The following KANK1 variants were observed in gnomAD, a reference collection of about 807,000 sequenced individuals.
The protein encoded by KANK1 is KN motif and ankyrin repeat domains 1, also known as KN motif and ankyrin repeat domain-containing protein 1.
In KANK1, 109 loss-of-function variants were observed where a neutral mutation model predicts 106.2. The ratio of observed to expected loss-of-function variants is 1.03; its 90% CI spans 0.88 to 1.20. The LOEUF (loss-of-function observed/expected upper bound fraction) is 1.20. KANK1 is among the 50% of genes most tolerant of loss of function. KANK1 has a pLI of 0.00. For missense variants in KANK1, 2,399 were observed against 1,710.7 expected (o/e 1.40, Z -7.10); for synonymous variants, 873 against 652.2 (o/e 1.34, Z -5.16).
chr9:663,060 G>C (rs1413374543), intron 1 of KANK1, among the ~76,000 whole-genome samples: 1 of 152,152 alleles, frequency 6.6e-6, no homozygotes, highest in African/African-American at 2.4e-5. Flanking sequence ...AGGCACACAC[G>C]AGCTTGTCAT....
intron 1 of KANK1, among the ~76,000 whole-genome samples, chr9:564,218 C>G (rs1817243296): frequency 6.6e-6 from 1 of 152,018 alleles, no homozygotes; most frequent in South Asian, 2.1e-4. Flanking sequence ...CGCCACCACG[C>G]CCGGCTAATT....
chr9:603,793 CTA>C (rs1828376304), intron 1 of KANK1, among the ~76,000 whole-genome samples: 1 of 151,066 alleles, frequency 6.6e-6, no homozygotes, highest in Non-Finnish European at 1.5e-5. Flanking sequence ...CACCCCGTCT[CTA>C]CTAAAAATAC....
At chr9:614,386 C>T (rs1004516087) in intron 1 of KANK1, among the ~76,000 whole-genome samples, 1 of 152,100 alleles carries the variant, frequency 6.6e-6, no homozygotes, top group Non-Finnish European at 1.5e-5. Flanking sequence ...TTATATACTT[C>T]TGCAGTTTTT....
intron 2 of KANK1, chr9:693,814 A>G: frequency 1.0e-6 from 1 of 985,294 alleles, no homozygotes. Flanking sequence ...CAAAAGAAAG[A>G]GAGGAGGAGA....
At chr9:629,773 TAGAG>T (rs1299496095) in intron 1 of KANK1, among the ~76,000 whole-genome samples, 1 of 151,942 alleles carries the variant, frequency 6.6e-6, no homozygotes, top group Non-Finnish European at 1.5e-5. Context: ...CATAACAAAG[TAGAG>T]AGGAGAATTA....
At chr9:739,086 G>C (rs936124006) in intron 8 of KANK1, among the ~76,000 whole-genome samples, 10 of 152,140 alleles carry the variant, frequency 6.6e-5, no homozygotes, top group African/African-American at 2.2e-4. Context: ...AACCATAATA[G>C]AATAGTAGAA....
At chr9:641,941 CA>C (rs1262415577) in intron 1 of KANK1, among the ~76,000 whole-genome samples, 10 of 152,020 alleles carry the variant, frequency 6.6e-5, no homozygotes, top group Non-Finnish European at 1.5e-4. Context: ...TTCATCACCC[CA>C]AAAAAGAAAA....
chr9:619,019 A>T (rs1328653933), intron 1 of KANK1, among the ~76,000 whole-genome samples: 1 of 152,228 alleles, frequency 6.6e-6, no homozygotes, highest in Non-Finnish European at 1.5e-5. Context: ...ACATTTTATG[A>T]ACTTAAATTT....
chr9:648,720 C>T (rs1156497777), intron 1 of KANK1, among the ~76,000 whole-genome samples: 1 of 152,030 alleles, frequency 6.6e-6, no homozygotes, highest in East Asian at 1.9e-4. Flanking sequence ...TTATCTGTTG[C>T]GGGGGAGAGT....
chr9:528,157 T>C (rs901243965), intron 1 of KANK1, among the ~76,000 whole-genome samples: 2 of 150,758 alleles, frequency 1.3e-5, no homozygotes, highest in Admixed American at 6.6e-5. Flanking sequence ...AAAAAAAAAC[T>C]TTTTAGGATT....
chr9:654,147 A>G (rs6477084), intron 1 of KANK1, among the ~76,000 whole-genome samples: 59,140 of 151,766 alleles, frequency 0.39, 14,907 homozygotes, highest in African/African-American at 0.69. Flanking sequence ...CACATGCAGC[A>G]GTTAACACAC....
rs1410005840 is a variant in KANK1 at position 673,242 on chromosome 9, A to G, written c.-83-3648A>G. On this transcript the variant is annotated intron_variant, in intron 1 of 11. Transcript: ENST00000382297. ...TTTTTTTTTTGAGACAGGGTCTCTC[A>G]CTCTGCTGTGCAGGCTGGAATGCAG... Among the ~76,000 whole-genome samples the G allele has an allele frequency of 2.5e-5, 3 of 122,434 alleles. No homozygotes were observed. In the Admixed American group the frequency reaches 3.2e-4, roughly 13 times the overall value. 80.3% of individuals were successfully genotyped at this position (122,434 alleles called of 152,430 possible).
Position 712,120 on chromosome 9 carries a change from G to C in KANK1, c.1354G>C (p.Asp452His). 1 of 1,614,124 alleles carries C rather than the reference G, an allele frequency of 6.2e-7. No individual in the cohort carries two copies. The highest frequency in any genetic ancestry group is 8.5e-7 in the Non-Finnish European group (1 of 1,180,030). ...CATGCTTGGAGTGATGACTGAAGCT[G>C]ACAAAGAAATTGAGCTGCAACAGCA... is the stretch of plus-strand genomic sequence containing the variant. Reference protein sequence around the residue: ...EAMLGVMTEADKEIELQQQTI... With the variant: ...EAMLGVMTEAHKEIELQQQTI... Residue 452 changes from aspartate (D) to histidine (H), a missense_variant, in exon 3 of 12, where the codon GAC becomes CAC. By Grantham distance (81) the Asp-to-His change is moderately conservative. Coordinates refer to ENST00000382297, the MANE Select transcript of KANK1 (RefSeq NM_015158.5).
chr9:484,054 G>C (rs559779801), intron 3 of KANK1, among the ~76,000 whole-genome samples: 95 of 152,322 alleles, frequency 6.2e-4, no homozygotes, highest in African/African-American at 1.3e-3. Context: ...TTTGCACCAC[G>C]AGTAGTTCAC....
chr9:563,195 T>G (rs1293053356), intron 1 of KANK1, among the ~76,000 whole-genome samples: 1 of 151,964 alleles, frequency 6.6e-6, no homozygotes, highest in East Asian at 1.9e-4. Context: ...TCAGACTTTT[T>G]TTTTTTTTTT....
chr9:542,662 C>T (rs1374577482), intron 1 of KANK1, among the ~76,000 whole-genome samples: 1 of 152,176 alleles, frequency 6.6e-6, no homozygotes. Flanking sequence ...AAGTGTTCAT[C>T]AGTAGATGAA....
At chr9:591,029 C>T (rs758954260) in intron 1 of KANK1, among the ~76,000 whole-genome samples, 22 of 151,656 alleles carry the variant, frequency 1.5e-4, no homozygotes, top group Middle Eastern at 3.2e-3. Flanking sequence ...AAAACCTTAC[C>T]AGTTTTATAG....
intron 2 of KANK1, 87 bp downstream of exon 2, chr9:677,096 A>G: frequency 8.1e-7 from 1 of 1,234,058 alleles, no homozygotes; most frequent in Non-Finnish European, 1.2e-6. Flanking sequence ...AACGGATAAT[A>G]GCAAGTTGCC....
At chr9:547,046 G>C (rs2060975756) in intron 1 of KANK1, among the ~76,000 whole-genome samples, 1 of 152,194 alleles carries the variant, frequency 6.6e-6, no homozygotes, top group Admixed American at 6.5e-5. Context: ...TTCCCAGATC[G>C]GTTGTTGTTT....
Sources: gnomAD v4.1 joint callset for allele counts (sites outside exome capture counted in the v4.1 genomes callset) on GRCh38, gnomAD v4.1.1 for gene constraint, MANE v1.5 for transcripts, NCBI Gene and HGNC (gene_info 2026-07-23, HGNC 2026-07-21) for gene names.